The following PRUNE2 variants were observed in gnomAD, a reference collection of about 807,000 sequenced individuals.
PRUNE2 encodes prune homolog 2 with BCH domain, also known as protein prune homolog 2.
PRUNE2 carries 164 observed loss-of-function variants against 252.0 expected under a neutral mutation model. The ratio of observed to expected loss-of-function variants is 0.65; its 90% CI spans 0.57 to 0.74. PRUNE2 has a LOEUF of 0.74. Ranked by LOEUF, PRUNE2 falls within the 30% of genes least tolerant of loss-of-function variation. PRUNE2 has a pLI of 0.00. For missense variants in PRUNE2, 3,495 were observed against 3,711.0 expected (o/e 0.94, Z 1.51); for synonymous variants, 1,292 against 1,350.2 (o/e 0.96, Z 0.94).
At chr9:76,717,603 G>T (rs369279145) in intron 6 of PRUNE2, among the ~76,000 whole-genome samples, 2 of 151,440 alleles carry the variant, frequency 1.3e-5, no homozygotes, top group African/African-American at 2.4e-5. Flanking sequence ...AATTATATAC[G>T]TGCATACATA....
chr9:76,905,770 C>G (rs1441662602), intron 1 of PRUNE2, among the ~76,000 whole-genome samples, 158 bp downstream of exon 1: 1 of 152,132 alleles, frequency 6.6e-6, no homozygotes, highest in African/African-American at 2.4e-5. Context: ...GCTTTAAGAG[C>G]CAGAGTTCCT....
Position 76,713,599 on chromosome 9 carries a change from A to T in PRUNE2, c.879T>A (p.Ile293=). 10 of 1,609,442 alleles carry T rather than the reference A, an allele frequency of 6.2e-6. No homozygotes were observed. Among genetic ancestry groups the T allele is most frequent in the Non-Finnish European group, 8.5e-6 (10 of 1,177,944 alleles). The change falls in exon 7 of 19, where the codon ATT becomes ATA. Residue 293 remains isoleucine (I), a synonymous_variant. Coordinates refer to ENST00000376718, the MANE Select transcript of PRUNE2 (RefSeq NM_015225.3). ...GCTCCATGTTTTCTGAGTACACAGC[A>T]ATCTGTCGTCTCGGCTGCTGCTCCT... ...LSEEQQPRRQ[I]AVYSENMELC... is the part of the protein sequence containing the mutation.
Position 76,628,849 on chromosome 9 carries a change from C to G in PRUNE2, c.9149+343G>C, listed in dbSNP as rs565857334. On this transcript the variant is annotated intron_variant, in intron 16 of 18. Transcript: ENST00000376718. ...TTTCCAACCCACTTCTCCAAACACA[C>G]ACTTTTTTTTTTTTTTGATACAGGG... 7.0e-5 allele frequency among the ~76,000 whole-genome samples: 10 copies of G among 143,256 alleles called. No individual in the cohort carries two copies. In the South Asian group the frequency reaches 2.2e-3, roughly 32 times the overall value. The allele number at this position is 143,256 out of a possible 152,430, so 94.0% of individuals were successfully genotyped here. A position where few individuals can be genotyped will look rare whatever the true frequency, so the allele number is the denominator to read the frequency against.
chr9:76,702,219 A>G (rs10781369), intron 9 of PRUNE2, among the ~76,000 whole-genome samples: 118,838 of 151,854 alleles, frequency 0.78, 46,774 homozygotes, highest in East Asian at 0.94. Flanking sequence ...CCACCACCCC[A>G]GCTAAGTTTT....
rs1170899729 is a variant in PRUNE2, at chr9:76,894,716, G to GAAAAAAAAAAAAA, written c.36+11211_36+11212insTTTTTTTTTTTTT. On this transcript the variant is annotated intron_variant, in intron 1 of 18. Transcript: ENST00000376718. ...TGCACCCTTTCATTAATTTTCTGCA[G>GAAAAAAAAAAAAA]CAAAAAAAAAAAAAAAGGACCAGCC... is the stretch of plus-strand genomic sequence containing the variant. Among the ~76,000 whole-genome samples the GAAAAAAAAAAAAA allele has an allele frequency of 2.3e-3, 250 of 110,646 alleles. 5 individuals carry two copies. Among genetic ancestry groups the GAAAAAAAAAAAAA allele is most frequent in the African/African-American group, 0.014 (153 of 11,234 alleles). The allele number at this position is 110,646 out of a possible 152,430, so 72.6% of individuals were successfully genotyped here. A position where few individuals can be genotyped will look rare whatever the true frequency, so the allele number is the denominator to read the frequency against.
intron 6 of PRUNE2, among the ~76,000 whole-genome samples, chr9:76,813,494 T>C (rs1351609366): frequency 6.6e-6 from 1 of 152,038 alleles, no homozygotes; most frequent in African/African-American, 2.4e-5. Flanking sequence ...GTGACTAGCA[T>C]ACACACACAC....
chr9:76,854,090 CT>C lies in PRUNE2; in HGVS notation c.141+13del. ...AATTCAAAATATAAGGAGTATTACCCTTTTTTCCCTCACCTTGTCTAGAAAG... is the reference window on the plus strand; with the variant it reads ...AATTCAAAATATAAGGAGTATTACCCTTTTTCCCTCACCTTGTCTAGAAAG... On this transcript the variant is annotated intron_variant, in intron 2 of 18. Transcript: ENST00000376718. 21 of 1,382,504 alleles carry C rather than the reference CT, an allele frequency of 1.5e-5. No homozygotes were observed. Among genetic ancestry groups the C allele is most frequent in the East Asian group, 2.3e-5 (1 of 43,252 alleles). The allele number at this position is 1,382,504 out of a possible 1,614,324, so 85.6% of individuals were successfully genotyped here.
chr9:76,718,253 C>T (rs2047331815), intron 6 of PRUNE2, among the ~76,000 whole-genome samples: 1 of 152,144 alleles, frequency 6.6e-6, no homozygotes, highest in Non-Finnish European at 1.5e-5. Flanking sequence ...TTCAGTGCAT[C>T]GTGTGAAACA....
chr9:76,780,568 G>A (rs2054272645), intron 6 of PRUNE2, among the ~76,000 whole-genome samples: 1 of 152,106 alleles, frequency 6.6e-6, no homozygotes, highest in Non-Finnish European at 1.5e-5. Context: ...GCGGGTGCCT[G>A]TAGTCCCAGC....
At chr9:76,825,090 T>C (rs2058268619) in intron 5 of PRUNE2, among the ~76,000 whole-genome samples, 1 of 152,078 alleles carries the variant, frequency 6.6e-6, no homozygotes, top group Admixed American at 6.6e-5. Flanking sequence ...CCTGCCTCTC[T>C]TTTCCTGAGG....
At chr9:76,852,160 A>C (rs1051107750) in intron 2 of PRUNE2, among the ~76,000 whole-genome samples, 1 of 152,248 alleles carries the variant, frequency 6.6e-6, no homozygotes, top group Non-Finnish European at 1.5e-5. Context: ...AAAGAAAGGA[A>C]TCAGCCACTG....
chr9:76,747,796 T>TC (rs1199448525), intron 6 of PRUNE2, among the ~76,000 whole-genome samples: 1 of 150,628 alleles, frequency 6.6e-6, no homozygotes, highest in Non-Finnish European at 1.5e-5. Flanking sequence ...ATTCTCCACT[T>TC]CTTTTTTTTT....
intron 1 of PRUNE2, among the ~76,000 whole-genome samples, chr9:76,897,822 A>G (rs1366317996): frequency 6.6e-6 from 1 of 152,216 alleles, no homozygotes; most frequent in Non-Finnish European, 1.5e-5. Context: ...TTTTAAAAGT[A>G]TCTCTTAGAG....
intron 6 of PRUNE2, among the ~76,000 whole-genome samples, chr9:76,773,688 C>T (rs368237008): frequency 3.3e-4 from 50 of 152,252 alleles, no homozygotes; most frequent in Admixed American, 1.1e-3. Flanking sequence ...AGGTGATCCA[C>T]CTGACTCGGC....
chr9:76,660,798 A>AGAAAG (rs11448819), intron 9 of PRUNE2, among the ~76,000 whole-genome samples: 36 of 141,088 alleles, frequency 2.6e-4, no homozygotes, highest in African/African-American at 8.1e-4. Flanking sequence ...AAAAAAAAAA[A>AGAAAG]AAAGAAAGAA....
chr9:76,904,057 T>C (rs554630033), intron 1 of PRUNE2, among the ~76,000 whole-genome samples: 1 of 152,350 alleles, frequency 6.6e-6, no homozygotes, highest in South Asian at 2.1e-4. Flanking sequence ...ATGTAACTTC[T>C]CAGGAAAATA....
At chr9:76,903,985 G>A (rs2063332676) in intron 1 of PRUNE2, among the ~76,000 whole-genome samples, 1 of 152,204 alleles carries the variant, frequency 6.6e-6, no homozygotes, top group African/African-American at 2.4e-5. Context: ...CTCTAAAGGA[G>A]AATGTTATCT....
chr9:76,638,678 A>G (rs960660752), intron 12 of PRUNE2, among the ~76,000 whole-genome samples: 1 of 152,132 alleles, frequency 6.6e-6, no homozygotes, highest in Non-Finnish European at 1.5e-5. Flanking sequence ...CTTATACAGC[A>G]CTTCTTTCTT....
At chr9:76,766,291 A>G (rs1482945784) in intron 6 of PRUNE2, among the ~76,000 whole-genome samples, 2 of 151,996 alleles carry the variant, frequency 1.3e-5, no homozygotes, top group Non-Finnish European at 2.9e-5. Context: ...AGGGGATACC[A>G]TATGTTCACT....
Sources: gnomAD v4.1 joint callset for allele counts (sites outside exome capture counted in the v4.1 genomes callset) on GRCh38, gnomAD v4.1.1 for gene constraint, MANE v1.5 for transcripts, NCBI Gene and HGNC (gene_info 2026-07-23, HGNC 2026-07-21) for gene names.